OPHN1: variants seen among roughly 807,000 people sequenced by gnomAD.
OPHN1 encodes the protein oligophrenin-1.
OPHN1 carries 11 observed loss-of-function variants against 60.7 expected under a neutral mutation model. The observed-to-expected ratio is 0.18, with a 90% CI of 0.11 to 0.30. OPHN1 has a LOEUF of 0.30. Among genes scored for constraint, OPHN1 ranks in the 10% least tolerant of loss-of-function variants. OPHN1 has a pLI of 1.00. For synonymous variants in OPHN1, 226 were observed against 222.6 expected, an observed-to-expected ratio of 1.02 and a Z score of -0.14; for missense variants, 449 against 611.0, an observed-to-expected ratio of 0.73 and a Z score of 2.80.
At chrX:68,350,534 C>T (rs866200105) in intron 2 of OPHN1, among the ~76,000 whole-genome samples, 7 of 76,008 alleles carry the variant, frequency 9.2e-5, no homozygotes, top group Admixed American at 7.7e-4. Flanking sequence ...CTCCCTTCCT[C>T]CCTTCCTCCC....
intron 2 of OPHN1, among the ~76,000 whole-genome samples, chrX:68,421,280 C>T (rs1206914065): frequency 9.0e-6 from 1 of 111,070 alleles, no homozygotes; most frequent in Non-Finnish European, 1.9e-5. Context: ...CATTTAATGC[C>T]ATTACAGAAC....
intron 5 of OPHN1, among the ~76,000 whole-genome samples, chrX:68,240,762 G>C (rs1435862663): frequency 1.8e-5 from 2 of 110,694 alleles, no homozygotes; most frequent in Non-Finnish European, 3.8e-5. Flanking sequence ...TATATGTCCA[G>C]CTGTTTTGTC....
chrX:68,243,373 T>C (rs1201822947), intron 5 of OPHN1, among the ~76,000 whole-genome samples: 1 of 111,177 alleles, frequency 9.0e-6, no homozygotes, highest in African/African-American at 3.3e-5. Context: ...ATAGCCAATG[T>C]TGTTATATGT....
intron 11 of OPHN1, among the ~76,000 whole-genome samples, chrX:68,199,917 T>C (rs1378245734): frequency 9.0e-6 from 1 of 111,262 alleles, no homozygotes; most frequent in Non-Finnish European, 1.9e-5. Flanking sequence ...AAAAATTAGC[T>C]GGACATGGTG....
intron 23 of OPHN1, among the ~76,000 whole-genome samples, chrX:68,050,417 C>T (rs1262778336): frequency 8.9e-6 from 1 of 111,735 alleles, no homozygotes; most frequent in Non-Finnish European, 1.9e-5. Context: ...TGGCCATAGC[C>T]CTTGTAGGTT....
rs2078108651 is a variant in OPHN1 at position 68,299,114 on chromosome X, C to T, written c.155-18G>A. On this transcript the variant is annotated intron_variant, in intron 2 of 24. Transcript: ENST00000355520. The stretch of plus-strand genomic sequence containing the variant: ...AGAATAATCTGCAAAGGAAGGGTAA[C>T]AAGAGAAATGTTCAACAATGCTATG... 2.9e-6 allele frequency: 3 copies of T among 1,025,346 alleles called. No individual in the cohort carries two copies. The highest frequency in any genetic ancestry group is 4.1e-6 in the Non-Finnish European group (3 of 731,977). The allele number at this position is 1,025,346 out of a possible 1,213,427, so 84.5% of individuals were successfully genotyped here.
At chrX:68,240,786 TTTG>T (rs1160948478) in intron 5 of OPHN1, among the ~76,000 whole-genome samples, 2 of 111,520 alleles carry the variant, frequency 1.8e-5, no homozygotes, top group African/African-American at 3.2e-5. Flanking sequence ...TCGGGTAGGT[TTTG>T]TTGTTGTTAT....
At chrX:68,164,319 T>C (rs918897767) in intron 15 of OPHN1, among the ~76,000 whole-genome samples, 2 of 112,166 alleles carry the variant, frequency 1.8e-5, no homozygotes, top group African/African-American at 6.5e-5. Context: ...GCTATGGCCT[T>C]ACAAAATGTA....
At chrX:68,202,651 C>T (rs2077540129) in intron 10 of OPHN1, among the ~76,000 whole-genome samples, 1 of 109,429 alleles carries the variant, frequency 9.1e-6, no homozygotes, top group Non-Finnish European at 1.9e-5. Context: ...AGGTGCGCAC[C>T]ATGCCCGGCT....
At chrX:68,125,911 T>C (rs1212229375) in intron 15 of OPHN1, among the ~76,000 whole-genome samples, 1 of 51,314 alleles carries the variant, frequency 1.9e-5, no homozygotes, top group East Asian at 6.7e-4. Flanking sequence ...CAAAAAGCTA[T>C]TGGCCATAAC....
chrX:68,109,186 C>T (rs1296364803), intron 18 of OPHN1, among the ~76,000 whole-genome samples: 1 of 111,185 alleles, frequency 9.0e-6, no homozygotes, highest in Non-Finnish European at 1.9e-5. Flanking sequence ...ACCCCCACTT[C>T]CCAGACCTTG....
rs146014654 is a variant in OPHN1 at position 68,263,469 on chromosome X, C to A, written c.384+11269G>T. ...GACAGTTTCATGGAGCACTTTCTATCCTCCCTATTCTATTACCAGTACTAA... is the reference window on the plus strand; with the variant it reads ...GACAGTTTCATGGAGCACTTTCTATACTCCCTATTCTATTACCAGTACTAA... On this transcript the variant is annotated intron_variant, in intron 5 of 24. Coordinates refer to ENST00000355520, the MANE Select transcript of OPHN1 (RefSeq NM_002547.3). 1.0e-3 allele frequency among the ~76,000 whole-genome samples: 113 copies of A among 111,808 alleles called. 1 individual carries two copies. Among genetic ancestry groups the A allele is most frequent in the African/African-American group, 3.4e-3 (106 of 30,852 alleles).
chrX:68,370,011 AATATATATATAT>A (rs761607454), intron 2 of OPHN1, among the ~76,000 whole-genome samples: 7 of 64,356 alleles, frequency 1.1e-4, no homozygotes, highest in African/African-American at 4.7e-4. Context: ...AAATTGCTGA[AATATATATATAT>A]ATATATATAT....
At chrX:68,065,100 C>G (rs1181901232) in intron 20 of OPHN1, among the ~76,000 whole-genome samples, 1 of 110,880 alleles carries the variant, frequency 9.0e-6, no homozygotes, top group African/African-American at 3.3e-5. Flanking sequence ...ATGTAACAAA[C>G]CTGCACGTTG....
At chrX:68,163,592 G>T (rs2077345382) in intron 15 of OPHN1, among the ~76,000 whole-genome samples, 1 of 110,881 alleles carries the variant, frequency 9.0e-6, no homozygotes, top group Admixed American at 9.6e-5. Context: ...TTTCCTTTGG[G>T]TATATAACCA....
rs181257494 is a variant in OPHN1 at position 68,232,950 on chromosome X, C to T, written c.486+1537G>A. 1.1e-3 allele frequency among the ~76,000 whole-genome samples: 106 copies of T among 95,581 alleles called. 2 individuals carry two copies. The East Asian group carries it at 0.033, about 30-fold the overall frequency. 83.0% of individuals were successfully genotyped at this position (95,581 alleles called of 115,157 possible). A position where few individuals can be genotyped will look rare whatever the true frequency, so the allele number is the denominator to read the frequency against. ...AAGGCTTTTTTTTTTTTTTTTGAGA[C>T]AGAGTTTCGTTCTTGTCACCCAGGC... On this transcript the variant is annotated intron_variant, in intron 6 of 24. Transcript: ENST00000355520.
chrX:68,125,639 C>T (rs2077166704), intron 15 of OPHN1, among the ~76,000 whole-genome samples: 1 of 109,005 alleles, frequency 9.2e-6, no homozygotes, highest in African/African-American at 3.3e-5. Context: ...AGGAATAAAT[C>T]CAAAACCTGA....
intron 6 of OPHN1, among the ~76,000 whole-genome samples, chrX:68,231,262 G>A (rs935200953): frequency 9.0e-6 from 1 of 111,702 alleles, no homozygotes; most frequent in Non-Finnish European, 1.9e-5. Flanking sequence ...GGTGCAAAAG[G>A]AACTGTGATT....
At chrX:68,171,012 G>A (rs1424197430) in intron 15 of OPHN1, among the ~76,000 whole-genome samples, 7 of 110,993 alleles carry the variant, frequency 6.3e-5, no homozygotes, top group East Asian at 2.8e-4. Flanking sequence ...ATGGTTAATA[G>A]GTACAAAAAT....
Sources: allele counts gnomAD v4.1 joint callset (sites outside exome capture counted in the v4.1 genomes callset), GRCh38; gene constraint gnomAD v4.1.1; transcripts MANE v1.5; gene names NCBI Gene and HGNC (gene_info 2026-07-23, HGNC 2026-07-21).